ACACA: variants seen among roughly 807,000 people sequenced by gnomAD.
ACACA encodes the protein acetyl-CoA carboxylase alpha.
A neutral mutation model predicts 296.1 loss-of-function variants in ACACA; 103 were observed. That is an observed-to-expected ratio of 0.35 (90% CI 0.30 to 0.41). The LOEUF is 0.41. Ranked by LOEUF, ACACA falls within the 10% of genes least tolerant of loss-of-function variation. The pLI, the probability that ACACA is intolerant of heterozygous loss-of-function variation, is 1.00. For missense variants in ACACA, 1,554 were observed against 2,989.7 expected (o/e 0.52, Z 11.20); for synonymous variants, 953 against 1,038.6 (o/e 0.92, Z 1.58).
chr17:37,215,962 T>C (rs1035509517), intron 29 of ACACA, among the ~76,000 whole-genome samples: 2 of 151,950 alleles, frequency 1.3e-5, no homozygotes, highest in Non-Finnish European at 2.9e-5. Context: ...TCCCTTAGTA[T>C]AGACTAGTTG....
intron 3 of ACACA, among the ~76,000 whole-genome samples, chr17:37,298,643 C>T (rs1008374934): frequency 2.6e-5 from 4 of 152,256 alleles, no homozygotes; most frequent in African/African-American, 4.8e-5. Context: ...GCTATGACCG[C>T]GCCACTGCAC....
At chr17:37,325,415 T>C (rs1598493277) in intron 3 of ACACA, among the ~76,000 whole-genome samples, 1 of 151,236 alleles carries the variant, frequency 6.6e-6, no homozygotes, top group African/African-American at 2.4e-5. Context: ...AAATGTTCAA[T>C]TGAATACTAG....
intron 45 of ACACA, among the ~76,000 whole-genome samples, chr17:37,135,449 T>A (rs1233710716): frequency 6.6e-6 from 1 of 152,152 alleles, no homozygotes. Context: ...GCCTCTGACA[T>A]GAGCCACAGC....
chr17:37,129,445 G>C lies in ACACA; in HGVS notation c.5864C>G (p.Pro1955Arg), dbSNP rs745386290. ...AACAAACTCGATGATTCTGTCTATA[G>C]GATCCTTTGAGTTCAGAAGAGGAAC... is the stretch of plus-strand genomic sequence containing the variant. ...SSVPLLNSKD[P>R]IDRIIEFVPT... Residue 1955 changes from proline to arginine, a missense_variant, in exon 47 of 56, where the codon CCT becomes CGT. By Grantham distance (103) the Pro-to-Arg change is moderately radical. Coordinates refer to ENST00000616317, the MANE Select transcript of ACACA (RefSeq NM_198834.3). 2 of 1,614,100 alleles carry C rather than the reference G, an allele frequency of 1.2e-6. No individual in the cohort carries two copies. The highest frequency in any genetic ancestry group is 1.1e-5 in the South Asian group (1 of 91,084).
chr17:37,179,118 C>A (rs1292744107), intron 41 of ACACA, 142 bp downstream of exon 41: 2 of 1,040,058 alleles, frequency 1.9e-6, no homozygotes, highest in East Asian at 2.6e-5. Context: ...TTAATAATTT[C>A]TTGATACTCA....
chr17:37,241,563 GAT>G (rs1389489957), intron 23 of ACACA, among the ~76,000 whole-genome samples: 1 of 152,008 alleles, frequency 6.6e-6, no homozygotes, highest in Non-Finnish European at 1.5e-5. Context: ...AAATTAGCTG[GAT>G]GTGGTGGTGC....
chr17:37,281,034 T>G (rs1054638293), intron 5 of ACACA, among the ~76,000 whole-genome samples: 9 of 151,540 alleles, frequency 5.9e-5, no homozygotes, highest in Admixed American at 1.3e-4. Context: ...AGACATAATC[T>G]CTTTCAGAAA....
At chr17:37,339,670 G>C (rs2048295482) in intron 2 of ACACA, 134 bp downstream of exon 2, 1 of 643,664 alleles carries the variant, frequency 1.6e-6, no homozygotes, top group Non-Finnish European at 2.8e-6. Flanking sequence ...GTTCACTTCA[G>C]GTTATCCACC....
intron 10 of ACACA, 53 bp from the exon 11 acceptor site, chr17:37,263,947 T>TA (rs1277633170): frequency 2.0e-6 from 3 of 1,478,474 alleles, no homozygotes; most frequent in Non-Finnish European, 2.8e-6. Flanking sequence ...TTAAACTTTT[T>TA]ATCTATCTTG....
In ACACA at chr17:37,193,434, A is replaced by G. The variant is rs770009661; in HGVS notation, c.4159-19T>C. On this transcript the variant is annotated intron_variant, in intron 35 of 55. Transcript: ENST00000616317. ...ATTCTCTCTGTATTAAAGAAGGGGG[A>G]AAAATGTGTCAGTAGTTCATAGACA... The G allele has an allele frequency of 1.0e-5, 16 of 1,576,224 alleles. No homozygotes were observed. Among genetic ancestry groups the G allele is most frequent in the Admixed American group, 1.7e-5 (1 of 59,864 alleles).
intron 3 of ACACA, among the ~76,000 whole-genome samples, chr17:37,288,550 T>C (rs1451383890): frequency 6.6e-6 from 1 of 152,188 alleles, no homozygotes; most frequent in Non-Finnish European, 1.5e-5. Flanking sequence ...GATCTCATAG[T>C]AATGGTTACA....
intron 54 of ACACA, among the ~76,000 whole-genome samples, chr17:37,091,682 TG>T (rs1304099843): frequency 2.0e-5 from 3 of 151,956 alleles, no homozygotes; most frequent in Non-Finnish European, 2.9e-5. Context: ...TGGGCTCACG[TG>T]ATTCTCCTGC....
chr17:37,098,703 T>A (rs2142750175), intron 52 of ACACA, among the ~76,000 whole-genome samples: 1 of 152,322 alleles, frequency 6.6e-6, no homozygotes, highest in Admixed American at 6.5e-5. Flanking sequence ...GACATTCTAC[T>A]TCTTAGGCTA....
At chr17:37,351,323 C>T (rs900937106) in intron 1 of ACACA, among the ~76,000 whole-genome samples, 11 of 151,748 alleles carry the variant, frequency 7.2e-5, no homozygotes, top group Admixed American at 5.9e-4. Flanking sequence ...ATTAGCTGGG[C>T]ATGGTGGCAC....
chr17:37,245,325 C>T, intron 19 of ACACA, 111 bp from the exon 20 acceptor site: 1 of 1,120,046 alleles, frequency 8.9e-7, no homozygotes, highest in Non-Finnish European at 1.3e-6. Flanking sequence ...CCTAATTTGA[C>T]CAAGAAAAAA....
chr17:37,277,919 T>C lies in ACACA; in HGVS notation c.697A>G (p.Ile233Val). ...ACTTGTACTGGGATCCTTTTAGCAA[T>C]ATCAAGAATTAATTCCACATTTGCA... ...NYANVELILD[I>V]AKRIPVQAVW... The change falls in exon 6 of 56, where the codon ATT becomes GTT. Residue 233 changes from isoleucine (I) to valine (V), a missense_variant. Ile to Val is a conservative substitution (Grantham distance 29, BLOSUM62 3). Transcript: ENST00000616317. The C allele has an allele frequency of 6.2e-7, 1 of 1,613,802 alleles. No individual in the cohort carries two copies.
At position 37,264,937 on chromosome 17, in the gene ACACA, G is replaced by C. The variant is rs1015208026; in HGVS notation, c.1120-1043C>G. 1.6e-4 allele frequency among the ~76,000 whole-genome samples: 25 copies of C among 152,120 alleles called. 2 individuals are homozygous for C. The highest frequency in any genetic ancestry group is 1.2e-3 in the Admixed American group (18 of 15,270). ...CATATCATCATCTGGTAGCTTGAGT[G>C]GGGTAGAATGGTCTCACTCAGATGT... On this transcript the variant is annotated intron_variant, in intron 10 of 55. Coordinates refer to ENST00000616317, the MANE Select transcript of ACACA (RefSeq NM_198834.3).
intron 3 of ACACA, chr17:37,299,609 C>A: frequency 2.4e-6 from 3 of 1,243,040 alleles, no homozygotes; most frequent in African/African-American, 3.1e-5. Flanking sequence ...TAGTTGATTT[C>A]CCAAGGGAAC....
At chr17:37,223,784 C>G (rs1037175366) in intron 27 of ACACA, among the ~76,000 whole-genome samples, 183 bp from the exon 28 acceptor site, 2 of 152,196 alleles carry the variant, frequency 1.3e-5, no homozygotes, top group Non-Finnish European at 2.9e-5. Context: ...CCTCATAGGG[C>G]TGTTGTATTA....
Sources: allele counts gnomAD v4.1 joint callset (sites outside exome capture counted in the v4.1 genomes callset), GRCh38; gene constraint gnomAD v4.1.1; transcripts MANE v1.5; gene names NCBI Gene and HGNC (gene_info 2026-07-23, HGNC 2026-07-21).